Variants in SGCZ observed in about 807,000 individuals in gnomAD.
The protein encoded by SGCZ is zeta-sarcoglycan.
A neutral mutation model predicts 41.3 loss-of-function variants in SGCZ; 40 were observed. That is an observed-to-expected ratio of 0.97 (90% CI 0.75 to 1.26). The LOEUF is 1.26. Among genes scored for constraint, SGCZ ranks in the 50% most tolerant of loss-of-function variants. SGCZ has a pLI of 0.00. For synonymous variants in SGCZ, 206 were observed against 137.5 expected (o/e 1.50, Z -3.49); for missense variants, 552 against 369.8 (o/e 1.49, Z -4.04).
At chr8:14,526,413 C>CT (rs1398140094) in intron 2 of SGCZ, among the ~76,000 whole-genome samples, 2 of 152,042 alleles carry the variant, frequency 1.3e-5, no homozygotes, top group Non-Finnish European at 2.9e-5. Flanking sequence ...AATGATTAGG[C>CT]TACTGTTGTA....
rs1800872899 is a variant in SGCZ, at chr8:14,460,564, G to A, written c.234+94168C>T. Among the ~76,000 whole-genome samples the A allele has an allele frequency of 2.0e-5, 3 of 152,086 alleles. No individual in the cohort carries two copies. The South Asian group carries it at 6.2e-4, about 31-fold the overall frequency. On this transcript the variant is annotated intron_variant, in intron 2 of 7. Coordinates refer to ENST00000382080, the MANE Select transcript of SGCZ (RefSeq NM_139167.4). ...GGTCAGGCATGCAAATAGCTCTTCAGGGCATAGAAAGATGTGCATAATAAC... is the reference window on the plus strand; with the variant it reads ...GGTCAGGCATGCAAATAGCTCTTCAAGGCATAGAAAGATGTGCATAATAAC...
intron 1 of SGCZ, among the ~76,000 whole-genome samples, chr8:15,226,251 G>A (rs1801769339): frequency 6.6e-6 from 1 of 152,136 alleles, no homozygotes; most frequent in African/African-American, 2.4e-5. Context: ...ACCTCACAGG[G>A]ACAGAGCTGT....
intron 2 of SGCZ, among the ~76,000 whole-genome samples, chr8:14,393,041 G>A (rs1804832190): frequency 6.6e-6 from 1 of 152,118 alleles, no homozygotes; most frequent in African/African-American, 2.4e-5. Context: ...TCCAGGTAGT[G>A]ATTTCTGTGG....
intron 1 of SGCZ, among the ~76,000 whole-genome samples, chr8:15,166,208 G>A (rs1001648463): frequency 6.6e-6 from 1 of 151,484 alleles, no homozygotes; most frequent in African/African-American, 2.4e-5. Context: ...CAGGTACATG[G>A]GATTGCCAAA....
intron 1 of SGCZ, among the ~76,000 whole-genome samples, chr8:14,750,160 G>A (rs1799454288): frequency 6.6e-6 from 1 of 152,076 alleles, no homozygotes; most frequent in African/African-American, 2.4e-5. Flanking sequence ...GGTTAAAGGA[G>A]AACATATCCC....
At chr8:15,100,025 T>A (rs190463582) in intron 1 of SGCZ, among the ~76,000 whole-genome samples, 4 of 152,232 alleles carry the variant, frequency 2.6e-5, no homozygotes, top group Non-Finnish European at 4.4e-5. Flanking sequence ...AAGAGATAAT[T>A]TTTCCCAAAA....
chr8:14,657,540 A>C (rs1807615636), intron 1 of SGCZ, among the ~76,000 whole-genome samples: 1 of 152,260 alleles, frequency 6.6e-6, no homozygotes, highest in East Asian at 1.9e-4. Context: ...TTATTCAAAT[A>C]TGCTCAGGAA....
intron 1 of SGCZ, among the ~76,000 whole-genome samples, chr8:14,645,767 A>T (rs1328140122): frequency 2.0e-5 from 3 of 151,694 alleles, no homozygotes; most frequent in African/African-American, 7.2e-5. Flanking sequence ...AAGTTACCAA[A>T]TAATATCTGT....
At chr8:14,170,035 T>G (rs1016886150) in intron 4 of SGCZ, among the ~76,000 whole-genome samples, 14 of 150,124 alleles carry the variant, frequency 9.3e-5, no homozygotes, top group Admixed American at 2.0e-4. Flanking sequence ...TTTGTAAATT[T>G]TAAATTGGGT....
chr8:14,413,185 A>G (rs1017718719), intron 2 of SGCZ, among the ~76,000 whole-genome samples: 1 of 152,006 alleles, frequency 6.6e-6, no homozygotes, highest in Non-Finnish European at 1.5e-5. Flanking sequence ...AACTAGAGCA[A>G]CACAGTAAGA....
intron 3 of SGCZ, among the ~76,000 whole-genome samples, chr8:14,311,965 T>G (rs1161931630): frequency 6.6e-6 from 1 of 152,186 alleles, no homozygotes; most frequent in African/African-American, 2.4e-5. Flanking sequence ...GTTTCATATT[T>G]TATAATGCAG....
At chr8:14,784,126 C>T (rs1404952713) in intron 1 of SGCZ, among the ~76,000 whole-genome samples, 2 of 150,938 alleles carry the variant, frequency 1.3e-5, no homozygotes, top group Admixed American at 1.3e-4. Context: ...TCATGGTTCA[C>T]AGTACACTTG....
At chr8:14,310,484 A>G (rs1585347629) in intron 3 of SGCZ, among the ~76,000 whole-genome samples, 2 of 152,110 alleles carry the variant, frequency 1.3e-5, no homozygotes, top group Admixed American at 1.3e-4. Flanking sequence ...AACTAGAATT[A>G]GTATGTCTGT....
At chr8:14,813,936 G>C (rs1366730114) in intron 1 of SGCZ, among the ~76,000 whole-genome samples, 1 of 151,910 alleles carries the variant, frequency 6.6e-6, no homozygotes, top group African/African-American at 2.4e-5. Flanking sequence ...CTGGGCAACA[G>C]AGTGAGACTA....
intron 5 of SGCZ, among the ~76,000 whole-genome samples, chr8:14,109,297 T>G (rs1802304532): frequency 6.6e-6 from 1 of 152,172 alleles, no homozygotes; most frequent in Admixed American, 6.5e-5. Flanking sequence ...TTTTCCAGAT[T>G]CTCATAGCTT....
intron 4 of SGCZ, among the ~76,000 whole-genome samples, chr8:14,228,797 C>T (rs1001533672): frequency 6.6e-6 from 1 of 151,978 alleles, no homozygotes; most frequent in Admixed American, 6.6e-5. Context: ...GTTACTGTTA[C>T]CAAAGGCCAT....
intron 1 of SGCZ, among the ~76,000 whole-genome samples, chr8:14,871,265 G>T (rs994711214): frequency 6.6e-6 from 1 of 152,024 alleles, no homozygotes; most frequent in African/African-American, 2.4e-5. Flanking sequence ...GGAGAAACAG[G>T]AACCCTTTTA....
chr8:14,990,933 TAG>T (rs1266845961), intron 1 of SGCZ, among the ~76,000 whole-genome samples: 1 of 152,122 alleles, frequency 6.6e-6, no homozygotes, highest in Non-Finnish European at 1.5e-5. Context: ...GCATATGATT[TAG>T]AGTTACCCAG....
chr8:14,513,833 G>C (rs73190259), intron 2 of SGCZ, among the ~76,000 whole-genome samples: 2,654 of 152,116 alleles, frequency 0.017, 41 homozygotes, highest in East Asian at 0.079. Context: ...CTATGAAAAT[G>C]TCAATGGCCT....
Sources: gnomAD v4.1 joint callset for allele counts (sites outside exome capture counted in the v4.1 genomes callset) on GRCh38, gnomAD v4.1.1 for gene constraint, MANE v1.5 for transcripts, NCBI Gene and HGNC (gene_info 2026-07-23, HGNC 2026-07-21) for gene names.